The following ZNF546 variants were observed in gnomAD, a reference collection of about 807,000 sequenced individuals.
ZNF546 encodes the protein zinc finger protein 546.
ZNF546 carries 60 observed loss-of-function variants against 76.2 expected under a neutral mutation model. The ratio of observed to expected loss-of-function variants is 0.79; its 90% CI spans 0.64 to 0.98. The LOEUF (loss-of-function observed/expected upper bound fraction) is 0.98. Among genes scored for constraint, ZNF546 ranks in the 50% least tolerant of loss-of-function variants. The pLI, the probability that ZNF546 is intolerant of heterozygous loss-of-function variation, is 0.00. For missense variants in ZNF546, 936 were observed against 1,035.6 expected, an observed-to-expected ratio of 0.90 and a Z score of 1.32; for synonymous variants, 277 against 328.1, an observed-to-expected ratio of 0.84 and a Z score of 1.68.
In ZNF546 at chr19:40,017,274, T is replaced by C. The variant is rs1281977295; in HGVS notation, c.*1493T>C. 2 of 152,238 alleles carry C rather than the reference T, an allele frequency of 1.3e-5. No individual in the cohort carries two copies. Among genetic ancestry groups the C allele is most frequent in the Non-Finnish European group, 2.9e-5 (2 of 68,044 alleles). 9.4% of individuals were successfully genotyped at this position (152,238 alleles called of 1,614,324 possible). A position where few individuals can be genotyped will look rare whatever the true frequency, so the allele number is the denominator to read the frequency against. On this transcript the variant is annotated 3_prime_UTR_variant, in exon 7 of 7. Coordinates refer to ENST00000347077, the MANE Select transcript of ZNF546 (RefSeq NM_178544.5). ...TTTGAAGACTCAGGGATAGCTGTAA[T>C]GCTTTTTTCTTTTTATAACCCAAAA...
At chr19:39,998,018 A>G (rs1345925338) in intron 2 of ZNF546, 103 bp downstream of exon 2, 4 of 373,618 alleles carry the variant, frequency 1.1e-5, no homozygotes, top group South Asian at 3.4e-5. Context: ...CCACACTGCT[A>G]TGTCAAGCAC....
rs895916492 is a variant in ZNF546, at chr19:40,014,075, G to C, written c.805G>C (p.Gly269Arg). Reference protein sequence around the residue: ...DLRVHHTIHAGERPYECKECG... With the variant: ...DLRVHHTIHARERPYECKECG... ...TAGAGTACATCACACAATCCATGCT[G>C]GGGAGAGACCCTATGAATGTAAAGA... The change falls in exon 7 of 7, where the codon GGG becomes CGG. Residue 269 changes from glycine to arginine, a missense_variant. Transcript: ENST00000347077. 6.2e-7 allele frequency: 1 copy of C among 1,613,170 alleles called. No individual in the cohort carries two copies. Among genetic ancestry groups the C allele is most frequent in the African/African-American group, 1.3e-5 (1 of 74,894 alleles).
chr19:40,017,063 G>T lies in ZNF546; in HGVS notation c.*1282G>T, dbSNP rs1971780926. The T allele has an allele frequency of 6.6e-6, 1 of 152,118 alleles. No homozygotes were observed. The highest frequency in any genetic ancestry group is 6.6e-5 in the Admixed American group (1 of 15,262). 9.4% of individuals were successfully genotyped at this position (152,118 alleles called of 1,614,324 possible). The stretch of plus-strand genomic sequence containing the variant: ...TTCATGTGAGAGGAAGGCCCTGTGG[G>T]TGTAAGAAATTTGTAAAAACTGTCC... On this transcript the variant is annotated 3_prime_UTR_variant, in exon 7 of 7. Transcript: ENST00000347077.
intron 3 of ZNF546, among the ~76,000 whole-genome samples, chr19:40,000,000 G>A (rs1428832569): frequency 6.6e-6 from 1 of 152,182 alleles, no homozygotes; most frequent in Admixed American, 6.5e-5. Context: ...AAGGACACAA[G>A]ACTTTCCAGC....
At chr19:40,006,796 G>C (rs1343919244) in intron 4 of ZNF546, among the ~76,000 whole-genome samples, 4 of 152,170 alleles carry the variant, frequency 2.6e-5, no homozygotes. Context: ...TTAGTCTGCT[G>C]TATCTTTAAG....
chr19:40,008,767 G>A (rs1026904328), intron 6 of ZNF546, among the ~76,000 whole-genome samples: 4 of 152,188 alleles, frequency 2.6e-5, no homozygotes, highest in Non-Finnish European at 2.9e-5. Flanking sequence ...CATACTCCTT[G>A]TTTCTCTTCT....
Position 39,998,369 on chromosome 19 carries a change from C to G in ZNF546, c.43C>G (p.Leu15Val). Residue 15 changes from leucine (L) to valine (V), a missense_variant, in exon 3 of 7, where the codon CTC (leucine) becomes GTC (valine). Coordinates refer to ENST00000347077, the MANE Select transcript of ZNF546 (RefSeq NM_178544.5). ...TCTTCACGGGCCTCCAAATGACTTT[C>G]TCATTTTTCAAATCATTCCTCTGCA... ...PPLHGPPNDF[L>V]IFQIIPLHSL... The G allele has an allele frequency of 6.2e-7, 1 of 1,614,184 alleles. No homozygotes were observed. Among genetic ancestry groups the G allele is most frequent in the East Asian group, 2.2e-5 (1 of 44,890 alleles).
rs375287646 is a variant in ZNF546, at chr19:40,015,460, T to C, written c.2190T>C (p.Phe730=). The C allele has an allele frequency of 5.0e-6, 8 of 1,614,074 alleles. No homozygotes were observed. Among genetic ancestry groups the C allele is most frequent in the East Asian group, 2.2e-5 (1 of 44,892 alleles). The change falls in exon 7 of 7, where the codon TTT becomes TTC. Residue 730 remains phenylalanine (F), a synonymous_variant. Coordinates refer to ENST00000347077, the MANE Select transcript of ZNF546 (RefSeq NM_178544.5). ...AATGTAAGGAATGTGGAAAGACCTT[T>C]AGTCGTCGGTATCATCTTACTCAAC... ...PYECKECGKT[F]SRRYHLTQHF...
rs138828419 is a variant in ZNF546, at chr19:40,000,646, G to C, written c.84+2236G>C. Among the ~76,000 whole-genome samples, 371 of 147,290 alleles carry C rather than the reference G, an allele frequency of 2.5e-3. 1 individual carries two copies. The highest frequency in any genetic ancestry group is 8.3e-3 in the African/African-American group (336 of 40,264). The stretch of plus-strand genomic sequence containing the variant: ...AAAAAAAAAAAAAGAAAAAGAAAAA[G>C]AAAACAGAATAAGATAGTAACAGCT... On this transcript the variant is annotated intron_variant, in intron 3 of 6. Transcript: ENST00000347077.
chr19:40,018,492 A>T lies in ZNF546; in HGVS notation c.*2711A>T, dbSNP rs1382978622. The T allele has an allele frequency of 1.3e-5, 2 of 152,210 alleles. No homozygotes were observed. Among genetic ancestry groups the T allele is most frequent in the African/African-American group, 4.8e-5 (2 of 41,454 alleles). The allele number at this position is 152,210 out of a possible 1,614,324, so 9.4% of individuals were successfully genotyped here. ...CTTGGTGTAGCAGAACATACATTCC[A>T]AAGATGGCCACACCAATATATCCCA... On this transcript the variant is annotated 3_prime_UTR_variant, in exon 7 of 7. Transcript: ENST00000347077.
chr19:40,016,055 TAATG>T lies in ZNF546; in HGVS notation c.*275_*278del, dbSNP rs1971762682. On this transcript the variant is annotated 3_prime_UTR_variant, in exon 7 of 7. Transcript: ENST00000347077. ...ACAGTGCTTCTCTAAAATGCAATAA[TAATG>T]GGCCAGGTGAAGTGGCTCACACCTG... 1 of 426,354 alleles carries T rather than the reference TAATG, an allele frequency of 2.3e-6. No individual in the cohort carries two copies. Among genetic ancestry groups the T allele is most frequent in the Non-Finnish European group, 4.3e-6 (1 of 233,252 alleles). The allele number at this position is 426,354 out of a possible 1,614,324, so 26.4% of individuals were successfully genotyped here.
intron 3 of ZNF546, among the ~76,000 whole-genome samples, chr19:40,004,507 G>A (rs1463109264): frequency 3.9e-5 from 6 of 152,128 alleles, no homozygotes; most frequent in African/African-American, 1.4e-4. Flanking sequence ...AACCTCAGGT[G>A]ATCCAGCCAC....
Position 40,015,155 on chromosome 19 carries a change from A to G in ZNF546, c.1885A>G (p.Arg629Gly). The change falls in exon 7 of 7, where the codon AGA becomes GGA. Residue 629 changes from arginine to glycine, a missense_variant. Coordinates refer to ENST00000347077, the MANE Select transcript of ZNF546 (RefSeq NM_178544.5). ...RFQTELTQHH[R>G]IHTGEKPYKC... ...TCAAACAGAACTTACTCAGCATCAC[A>G]GAATTCATACTGGTGAAAAACCCTA... 6.2e-7 allele frequency: 1 copy of G among 1,614,162 alleles called. No homozygotes were observed. Among genetic ancestry groups the G allele is most frequent in the South Asian group, 1.1e-5 (1 of 91,078 alleles).
chr19:40,002,860 C>T (rs1971547142), intron 3 of ZNF546, among the ~76,000 whole-genome samples: 1 of 151,910 alleles, frequency 6.6e-6, no homozygotes, highest in Non-Finnish European at 1.5e-5. Context: ...CCACCATGCC[C>T]AGCTAATTTT....
intron 3 of ZNF546, among the ~76,000 whole-genome samples, chr19:40,003,395 T>G (rs73547618): frequency 0.062 from 9,414 of 152,236 alleles, 488 homozygotes; most frequent in East Asian, 0.18. Flanking sequence ...TACCTTAAGT[T>G]TTTATTGTAA....
intron 3 of ZNF546, among the ~76,000 whole-genome samples, chr19:40,001,444 C>A (rs778669279): frequency 5.9e-5 from 9 of 151,804 alleles, no homozygotes; most frequent in Admixed American, 5.9e-4. Flanking sequence ...CTCATTGCAA[C>A]CTCTGCCTCC....
Position 40,015,353 on chromosome 19 carries a change from T to C in ZNF546, c.2083T>C (p.Cys695Arg). ...CCATACTGGTGAGAAGCCCTACATA[T>C]GTAATGAATGTGGGAATGCTTTTAT... ...RGHTGEKPYI[C>R]NECGNAFICS... is the part of the protein sequence containing the mutation. Residue 695 changes from cysteine to arginine, a missense_variant, in exon 7 of 7, where the codon TGT (cysteine) becomes CGT (arginine). Physicochemically the swap from Cys to Arg is radical, Grantham distance 180. Coordinates refer to ENST00000347077, the MANE Select transcript of ZNF546 (RefSeq NM_178544.5). 3.7e-6 allele frequency: 6 copies of C among 1,614,196 alleles called. No homozygotes were observed. The highest frequency in any genetic ancestry group is 5.1e-6 in the Non-Finnish European group (6 of 1,180,038).
rs537110283 is a variant in ZNF546 at position 40,014,037 on chromosome 19, G to A, written c.767G>A (p.Arg256Gln). The change falls in exon 7 of 7, where the codon CGA becomes CAA. Residue 256 changes from arginine (R) to glutamine (Q), a missense_variant. Arg to Gln is a conservative substitution (Grantham distance 43). Coordinates refer to ENST00000347077, the MANE Select transcript of ZNF546 (RefSeq NM_178544.5). The part of the protein sequence containing the change: ...KCMECGKAFC[R>Q]VGDLRVHHTI... ...ATGGAATGTGGAAAGGCCTTTTGTC[G>A]AGTGGGAGACCTTAGAGTACATCAC... is the stretch of plus-strand genomic sequence containing the variant. The A allele has an allele frequency of 3.5e-5, 57 of 1,611,560 alleles. No homozygotes were observed. In the Admixed American group the frequency reaches 5.7e-4, roughly 16 times the overall value.
At chr19:40,006,387 A>G (rs537774271) in intron 4 of ZNF546, among the ~76,000 whole-genome samples, 2 of 152,246 alleles carry the variant, frequency 1.3e-5, no homozygotes, top group Admixed American at 1.3e-4. Context: ...GTGCTCAAAC[A>G]TTGTCTTCCA....
Sources: gnomAD v4.1 joint callset for allele counts (sites outside exome capture counted in the v4.1 genomes callset) on GRCh38, gnomAD v4.1.1 for gene constraint, MANE v1.5 for transcripts, NCBI Gene and HGNC (gene_info 2026-07-23, HGNC 2026-07-21) for gene names.